CSMD1: variants seen among roughly 807,000 people sequenced by gnomAD.
CSMD1 encodes the protein CUB and Sushi multiple domains 1, also known as CUB and sushi domain-containing protein 1.
In CSMD1, 213 loss-of-function variants were observed where a neutral mutation model predicts 417.5. That is an observed-to-expected ratio of 0.51 (90% CI 0.46 to 0.57). CSMD1 has a LOEUF of 0.57. Among genes scored for constraint, CSMD1 ranks in the 20% least tolerant of loss-of-function variants. The pLI, the probability that CSMD1 is intolerant of heterozygous loss-of-function variation, is 0.00. For synonymous variants in CSMD1, 2,862 were observed against 1,736.8 expected (o/e 1.65, Z -16.11); for missense variants, 6,923 against 4,529.7 (o/e 1.53, Z -15.17).
At chr8:3,612,096 A>T (rs1387267031) in intron 8 of CSMD1, among the ~76,000 whole-genome samples, 1 of 152,140 alleles carries the variant, frequency 6.6e-6, no homozygotes, top group African/African-American at 2.4e-5. Context: ...GAATATAGAA[A>T]CATATATAAC....
intron 18 of CSMD1, among the ~76,000 whole-genome samples, chr8:3,382,875 T>C (rs1360071144): frequency 6.6e-6 from 1 of 152,152 alleles, no homozygotes; most frequent in Non-Finnish European, 1.5e-5. Context: ...TTACTGTTTC[T>C]GGATTTCTTT....
intron 10 of CSMD1, among the ~76,000 whole-genome samples, chr8:3,501,352 T>C (rs973708871): frequency 1.3e-5 from 2 of 152,226 alleles, no homozygotes; most frequent in Admixed American, 6.5e-5. Flanking sequence ...TTTTAAGTTT[T>C]TCCTTTTGAT....
chr8:3,891,859 A>C (rs1387332561), intron 5 of CSMD1, among the ~76,000 whole-genome samples: 6 of 152,030 alleles, frequency 3.9e-5, no homozygotes, highest in Non-Finnish European at 5.9e-5. Context: ...AAGCTTGCCC[A>C]AAAAAAGGCT....
At chr8:3,954,356 A>T (rs994447397) in intron 5 of CSMD1, among the ~76,000 whole-genome samples, 1 of 151,220 alleles carries the variant, frequency 6.6e-6, no homozygotes, top group Admixed American at 6.5e-5. Flanking sequence ...TTTAACTGGG[A>T]TCCTAGGACT....
At chr8:3,917,228 G>C (rs540036665) in intron 5 of CSMD1, among the ~76,000 whole-genome samples, 34 of 152,262 alleles carry the variant, frequency 2.2e-4, no homozygotes, top group African/African-American at 6.5e-4. Flanking sequence ...CATTTCCTGT[G>C]GTTGAAATGC....
Position 3,259,923 on chromosome 8 carries a change from G to A in CSMD1, c.4153+24221C>T, listed in dbSNP as rs531761742. Among the ~76,000 whole-genome samples the A allele has an allele frequency of 9.9e-5, 15 of 152,214 alleles. No homozygotes were observed. In the South Asian group the frequency reaches 1.9e-3, roughly 19 times the overall value. ...CACATCTCTGACCACTCATACATGC[G>A]TTGTCTGTAGCTGCCTTTGGGCTAC... On this transcript the variant is annotated intron_variant, in intron 26 of 69. Transcript: ENST00000635120.
intron 18 of CSMD1, among the ~76,000 whole-genome samples, chr8:3,372,124 A>G (rs1207563000): frequency 1.3e-5 from 2 of 152,160 alleles, no homozygotes; most frequent in Non-Finnish European, 2.9e-5. Context: ...AGAAAAAGGG[A>G]TGGGATAGTG....
intron 3 of CSMD1, among the ~76,000 whole-genome samples, chr8:4,240,177 C>T (rs1802305546): frequency 6.6e-6 from 1 of 152,154 alleles, no homozygotes; most frequent in Non-Finnish European, 1.5e-5. Flanking sequence ...ATAAACAAGG[C>T]CACTGAGGTT....
intron 5 of CSMD1, among the ~76,000 whole-genome samples, chr8:3,768,029 C>T (rs1350100261): frequency 6.6e-6 from 1 of 152,034 alleles, no homozygotes; most frequent in African/African-American, 2.4e-5. Context: ...ACCAGGTATA[C>T]AAAACAGAAT....
intron 41 of CSMD1, among the ~76,000 whole-genome samples, chr8:3,140,953 T>C (rs927872824): frequency 2.0e-5 from 3 of 152,146 alleles, no homozygotes; most frequent in Non-Finnish European, 4.4e-5. Context: ...GTGGTGAAAG[T>C]TGAACATGAA....
At chr8:3,047,077 G>A (rs573744068) in intron 50 of CSMD1, among the ~76,000 whole-genome samples, 10 of 151,878 alleles carry the variant, frequency 6.6e-5, no homozygotes, top group Admixed American at 2.0e-4. Flanking sequence ...GTGTGGTGGC[G>A]GGTGCCTGTA....
intron 6 of CSMD1, among the ~76,000 whole-genome samples, chr8:3,753,243 A>T (rs1329052659): frequency 2.6e-5 from 4 of 152,226 alleles, no homozygotes; most frequent in African/African-American, 9.7e-5. Context: ...TAATTTGGAA[A>T]TCGAAGTGGA....
chr8:4,446,755 C>CTGTGTGTGTGTGTG (rs58002310), intron 2 of CSMD1, among the ~76,000 whole-genome samples: 2 of 132,950 alleles, frequency 1.5e-5, no homozygotes, highest in African/African-American at 2.9e-5. Flanking sequence ...GTGTGTGTGT[C>CTGTGTGTGTGTGTG]TGTGTGTGTG....
chr8:4,288,285 C>T (rs1797171206), intron 3 of CSMD1, among the ~76,000 whole-genome samples: 2 of 152,106 alleles, frequency 1.3e-5, no homozygotes, highest in Non-Finnish European at 2.9e-5. Context: ...CAGTAAGCTC[C>T]CTTTCCTAAG....
intron 1 of CSMD1, among the ~76,000 whole-genome samples, chr8:4,965,521 G>T (rs1346962730): frequency 6.6e-6 from 1 of 152,188 alleles, no homozygotes; most frequent in East Asian, 1.9e-4. Context: ...TCGCAATGGG[G>T]CATGTGGCCC....
chr8:4,427,106 C>T (rs1057448801), intron 2 of CSMD1, among the ~76,000 whole-genome samples: 3 of 152,006 alleles, frequency 2.0e-5, no homozygotes, highest in African/African-American at 7.2e-5. Context: ...CCTGGGAGGT[C>T]ACCATCCTTA....
intron 7 of CSMD1, among the ~76,000 whole-genome samples, chr8:3,652,876 C>T (rs999096884): frequency 6.6e-6 from 1 of 152,160 alleles, no homozygotes; most frequent in Non-Finnish European, 1.5e-5. Context: ...TGCACACAGT[C>T]AGCACTCAAT....
intron 3 of CSMD1, among the ~76,000 whole-genome samples, chr8:4,183,094 C>G (rs1000440698): frequency 1.3e-5 from 2 of 152,074 alleles, no homozygotes; most frequent in African/African-American, 2.4e-5. Flanking sequence ...CACAGCGACA[C>G]CCTATATACA....
At chr8:3,149,294 AATTTT>A (rs1819047497) in intron 40 of CSMD1, among the ~76,000 whole-genome samples, 1 of 152,230 alleles carries the variant, frequency 6.6e-6, no homozygotes. Flanking sequence ...TATTTATACC[AATTTT>A]ATTTTATTCA....
Sources: gnomAD v4.1 joint callset for allele counts (sites outside exome capture counted in the v4.1 genomes callset) on GRCh38, gnomAD v4.1.1 for gene constraint, MANE v1.5 for transcripts, NCBI Gene and HGNC (gene_info 2026-07-23, HGNC 2026-07-21) for gene names.